The following RABEPK variants were observed in gnomAD, a reference collection of about 807,000 sequenced individuals.
RABEPK encodes the protein Rab9 effector protein with kelch motifs.
Under a neutral mutation model 34.1 loss-of-function variants are expected in RABEPK, and 27 were observed. The ratio of observed to expected loss-of-function variants is 0.79; its 90% CI spans 0.58 to 1.09. The LOEUF is 1.09. RABEPK is among the 50% of genes least tolerant of loss of function. RABEPK has a pLI of 0.00. For missense variants in RABEPK, 449 were observed against 462.6 expected, an observed-to-expected ratio of 0.97 and a Z score of 0.27; for synonymous variants, 172 against 169.2, an observed-to-expected ratio of 1.02 and a Z score of -0.13.
At chr9:125,207,539 C>T (rs1450181141) in intron 2 of RABEPK, 25 bp from the exon 3 acceptor site, 20 of 1,609,884 alleles carry the variant, frequency 1.2e-5, no homozygotes, top group Non-Finnish European at 1.7e-5. Context: ...GCTCAGGCCT[C>T]CTGAATACAT....
chr9:125,201,725 C>T (rs1190714179), intron 1 of RABEPK, among the ~76,000 whole-genome samples: 6 of 151,958 alleles, frequency 3.9e-5, no homozygotes, highest in Admixed American at 1.3e-4. Flanking sequence ...GCAATTCTCA[C>T]GCCTCAGCCT....
At chr9:125,214,156 A>T (rs1423229322) in intron 4 of RABEPK, among the ~76,000 whole-genome samples, 11 of 152,006 alleles carry the variant, frequency 7.2e-5, no homozygotes, top group Non-Finnish European at 1.3e-4. Flanking sequence ...AATTTTTTTA[A>T]AAATAAAGTC....
chr9:125,200,620 G>T lies in RABEPK; in HGVS notation c.-293G>T, dbSNP rs1195172588. 1 of 461,968 alleles carries T rather than the reference G, an allele frequency of 2.2e-6. No homozygotes were observed. Among genetic ancestry groups the T allele is most frequent in the Admixed American group, 2.4e-5 (1 of 42,162 alleles). 28.6% of individuals were successfully genotyped at this position (461,968 alleles called of 1,614,324 possible). The stretch of plus-strand genomic sequence containing the variant: ...TGGAGGGTAGGGGCGAGGGTCCCCG[G>T]ATACCGGGTCTATCACGGTCTCGGG... On this transcript the variant is annotated 5_prime_UTR_variant, in exon 1 of 8. Transcript: ENST00000373538.
intron 1 of RABEPK, among the ~76,000 whole-genome samples, chr9:125,201,964 C>T (rs1326613775): frequency 1.3e-5 from 2 of 151,032 alleles, no homozygotes; most frequent in South Asian, 2.1e-4. Flanking sequence ...CAGTGGCTCA[C>T]GCCTGTAATC....
chr9:125,220,398 G>T, intron 4 of RABEPK, 141 bp from the exon 5 acceptor site: 1 of 1,469,250 alleles, frequency 6.8e-7, no homozygotes, highest in Middle Eastern at 1.8e-4. Context: ...CTTGATGTTT[G>T]TGAGTATGAG....
At chr9:125,224,407 T>C (rs1004527526) in intron 5 of RABEPK, among the ~76,000 whole-genome samples, 1 of 151,788 alleles carries the variant, frequency 6.6e-6, no homozygotes, top group Non-Finnish European at 1.5e-5. Context: ...GCTTTATGTA[T>C]ATTATCTCAT....
In RABEPK at chr9:125,200,871, G is replaced by C. The variant is rs1230642825; in HGVS notation, c.-42G>C. ...GTGAAGCCAGCCTAACTGAGCTCTG[G>C]ACTTTGGGGACAGCTGTCAGTGGCC... is the stretch of plus-strand genomic sequence containing the variant. On this transcript the variant is annotated 5_prime_UTR_variant, in exon 1 of 8. Coordinates refer to ENST00000373538, the MANE Select transcript of RABEPK (RefSeq NM_005833.4). 6.4e-6 allele frequency: 3 copies of C among 471,036 alleles called. No homozygotes were observed. Among genetic ancestry groups the C allele is most frequent in the African/African-American group, 6.0e-5 (3 of 50,098 alleles). 29.2% of individuals were successfully genotyped at this position (471,036 alleles called of 1,614,324 possible).
At chr9:125,226,329 A>C (rs1490904383) in intron 5 of RABEPK, among the ~76,000 whole-genome samples, 2 of 140,782 alleles carry the variant, frequency 1.4e-5, no homozygotes, top group African/African-American at 2.6e-5. Context: ...GACCCCCTGC[A>C]AAAAAAAAAA....
chr9:125,222,388 A>G (rs1049087416), intron 5 of RABEPK: 3 of 152,012 alleles, frequency 2.0e-5, no homozygotes, highest in African/African-American at 7.2e-5. Context: ...TTAACATCTC[A>G]GTGTATTATC....
chr9:125,203,078 A>G lies in RABEPK; in HGVS notation c.53+12A>G. On this transcript the variant is annotated intron_variant, in intron 2 of 7. Coordinates refer to ENST00000373538, the MANE Select transcript of RABEPK (RefSeq NM_005833.4). The stretch of plus-strand genomic sequence containing the variant: ...AGGAAAGCAACATGGTCTGTAAGGA[A>G]GGATCCAGACACAGAAAAGCATGAG... 1 of 1,608,458 alleles carries G rather than the reference A, an allele frequency of 6.2e-7. No homozygotes were observed. The highest frequency in any genetic ancestry group is 1.7e-5 in the Admixed American group (1 of 59,954).
At chr9:125,207,861 C>T (rs1161069955) in intron 3 of RABEPK, 140 bp downstream of exon 3, 10 of 1,048,258 alleles carry the variant, frequency 9.5e-6, no homozygotes, top group Admixed American at 2.5e-5. Context: ...TGTGGTGGCT[C>T]ACGCCTCTAA....
Position 125,233,810 on chromosome 9 carries a change from C to G in RABEPK, c.949C>G (p.Leu317Val). Residue 317 changes from leucine to valine, a missense_variant, in exon 8 of 8, where the codon CTC becomes GTC. Physicochemically the swap from Leu to Val is conservative, Grantham distance 32. Coordinates refer to ENST00000373538, the MANE Select transcript of RABEPK (RefSeq NM_005833.4). ...CASEKEDSNS[L>V]TLNHEAEKED... is the part of the protein sequence containing the mutation. Reference sequence around the variant, plus strand: ...TTCTGAGAAAGAAGATTCCAACTCTCTCACTCTGAACCATGAAGCTGAGAA... The same window carrying G: ...TTCTGAGAAAGAAGATTCCAACTCTGTCACTCTGAACCATGAAGCTGAGAA... 1 of 1,614,168 alleles carries G rather than the reference C, an allele frequency of 6.2e-7. No individual in the cohort carries two copies. The highest frequency in any genetic ancestry group is 2.2e-5 in the East Asian group (1 of 44,876).
chr9:125,202,796 C>T (rs1829989996), intron 1 of RABEPK, among the ~76,000 whole-genome samples: 1 of 152,054 alleles, frequency 6.6e-6, no homozygotes, highest in African/African-American at 2.4e-5. Context: ...TGCCATTGCA[C>T]TCCAGCCTGG....
intron 3 of RABEPK, among the ~76,000 whole-genome samples, chr9:125,210,163 G>A (rs1830491644): frequency 6.6e-6 from 1 of 152,174 alleles, no homozygotes; most frequent in South Asian, 2.1e-4. Flanking sequence ...CAGCACTTTG[G>A]GAGGCTGAGG....
intron 4 of RABEPK, among the ~76,000 whole-genome samples, chr9:125,214,834 A>G (rs928013402): frequency 6.9e-6 from 1 of 145,450 alleles, no homozygotes; most frequent in African/African-American, 2.6e-5. Flanking sequence ...CTTGTTGCAC[A>G]GGCTGGAGTG....
intron 6 of RABEPK, among the ~76,000 whole-genome samples, chr9:125,230,244 G>A (rs912831179): frequency 7.9e-5 from 12 of 152,156 alleles, no homozygotes; most frequent in African/African-American, 1.9e-4. Flanking sequence ...GATTATAGGC[G>A]TGAACCACTG....
intron 4 of RABEPK, among the ~76,000 whole-genome samples, chr9:125,214,348 A>C (rs1047690776): frequency 9.9e-5 from 15 of 152,126 alleles, no homozygotes; most frequent in African/African-American, 3.6e-4. Context: ...TATGCTGTAT[A>C]TATATCCTGT....
At chr9:125,233,043 A>G (rs1475950340) in intron 7 of RABEPK, among the ~76,000 whole-genome samples, 1 of 149,724 alleles carries the variant, frequency 6.7e-6, no homozygotes, top group Non-Finnish European at 1.5e-5. Context: ...ACACCACTGC[A>G]CTCCAGCCTG....
At chr9:125,214,445 C>G (rs1353293844) in intron 4 of RABEPK, among the ~76,000 whole-genome samples, 1 of 152,184 alleles carries the variant, frequency 6.6e-6, no homozygotes, top group Non-Finnish European at 1.5e-5. Flanking sequence ...CCTGGATCCT[C>G]CTAGTATGTT....
Sources: gnomAD v4.1 joint callset for allele counts (sites outside exome capture counted in the v4.1 genomes callset) on GRCh38, gnomAD v4.1.1 for gene constraint, MANE v1.5 for transcripts, NCBI Gene and HGNC (gene_info 2026-07-23, HGNC 2026-07-21) for gene names.